DIP2C: variants seen among roughly 807,000 people sequenced by gnomAD.
The protein encoded by DIP2C is disco-interacting protein 2 homolog C.
A neutral mutation model predicts 192.4 loss-of-function variants in DIP2C; 33 were observed. That is an observed-to-expected ratio of 0.17 (90% CI 0.13 to 0.23). DIP2C has a LOEUF of 0.23. Among genes scored for constraint, DIP2C ranks in the 10% least tolerant of loss-of-function variants. The pLI, the probability that DIP2C is intolerant of heterozygous loss-of-function variation, is 1.00. For synonymous variants in DIP2C, 979 were observed against 864.1 expected (o/e 1.13, Z -2.33); for missense variants, 1,537 against 2,110.1 (o/e 0.73, Z 5.32).
chr10:292,282 C>A (rs1234026076), intron 32 of DIP2C, among the ~76,000 whole-genome samples: 1 of 152,238 alleles, frequency 6.6e-6, no homozygotes, highest in African/African-American at 2.4e-5. Flanking sequence ...TTAAACAGTG[C>A]ACCTACTTTC....
At chr10:516,020 A>C (rs1846326921) in intron 1 of DIP2C, among the ~76,000 whole-genome samples, 1 of 151,478 alleles carries the variant, frequency 6.6e-6, no homozygotes, top group Non-Finnish European at 1.5e-5. Flanking sequence ...TTCGGGGTGA[A>C]GGGGCTTCCC....
At chr10:393,275 C>G (rs1963643456) in intron 10 of DIP2C, among the ~76,000 whole-genome samples, 1 of 152,232 alleles carries the variant, frequency 6.6e-6, no homozygotes, top group Non-Finnish European at 1.5e-5. Context: ...TTAGGATTCA[C>G]ATACTTAACT....
chr10:387,904 ACAG>A (rs1963113294), intron 13 of DIP2C, 95 bp from the exon 14 acceptor site: 15 of 1,320,844 alleles, frequency 1.1e-5, no homozygotes, highest in Non-Finnish European at 1.5e-5. Context: ...AGGGGAAATA[ACAG>A]ATCTTGGGAA....
intron 1 of DIP2C, among the ~76,000 whole-genome samples, chr10:493,445 T>C (rs977355400): frequency 3.3e-5 from 5 of 151,996 alleles, no homozygotes; most frequent in African/African-American, 1.2e-4. Context: ...CATTTTTTGG[T>C]GTTGGGGGGA....
intron 1 of DIP2C, among the ~76,000 whole-genome samples, chr10:588,450 T>C (rs1461743854): frequency 6.6e-6 from 1 of 152,228 alleles, no homozygotes; most frequent in Non-Finnish European, 1.5e-5. Flanking sequence ...GGCTCCGCAC[T>C]GGGTGAGGTG....
chr10:436,446 G>C (rs549169793), intron 4 of DIP2C, among the ~76,000 whole-genome samples: 1 of 152,162 alleles, frequency 6.6e-6, no homozygotes, highest in Non-Finnish European at 1.5e-5. Flanking sequence ...TCCGATCTCC[G>C]CCTCCTGGAC....
At chr10:361,211 C>T (rs1171821222) in intron 22 of DIP2C, among the ~76,000 whole-genome samples, 1 of 152,148 alleles carries the variant, frequency 6.6e-6, no homozygotes, top group Non-Finnish European at 1.5e-5. Context: ...TCACATGAAG[C>T]TTCATTTAAT....
intron 32 of DIP2C, among the ~76,000 whole-genome samples, chr10:298,346 C>G (rs2132248769): frequency 6.6e-6 from 1 of 152,262 alleles, no homozygotes. Flanking sequence ...TGGAAAAGGG[C>G]TTTAGAGATG....
intron 29 of DIP2C, among the ~76,000 whole-genome samples, chr10:331,426 T>C (rs7081814): frequency 0.95 from 145,112 of 152,276 alleles, 69,464 homozygotes; most frequent in East Asian, 1. Flanking sequence ...AAAGGACACA[T>C]AGCCCTCTGT....
At chr10:413,346 G>A (rs183414793) in intron 8 of DIP2C, among the ~76,000 whole-genome samples, 124 of 152,304 alleles carry the variant, frequency 8.1e-4, no homozygotes, top group Non-Finnish European at 1.3e-3. Context: ...CTTGGAAACC[G>A]ATTTTGATTT....
At chr10:562,677 G>A (rs887556519) in intron 1 of DIP2C, among the ~76,000 whole-genome samples, 3 of 152,186 alleles carry the variant, frequency 2.0e-5, no homozygotes, top group African/African-American at 2.4e-5. Context: ...GGGTCTGCAT[G>A]GCCAGTTTTA....
chr10:448,694 AG>A (rs1968562258), intron 3 of DIP2C, among the ~76,000 whole-genome samples: 1 of 141,618 alleles, frequency 7.1e-6, no homozygotes, highest in Non-Finnish European at 1.5e-5. Context: ...GATCACACAC[AG>A]TGGGGCAGCA....
intron 3 of DIP2C, among the ~76,000 whole-genome samples, chr10:470,274 G>A (rs1051980676): frequency 1.3e-5 from 2 of 152,180 alleles, no homozygotes; most frequent in South Asian, 2.1e-4. Context: ...GTGTGAAGAG[G>A]CGCCATATTT....
intron 1 of DIP2C, among the ~76,000 whole-genome samples, chr10:548,917 A>G (rs1404222719): frequency 8.4e-6 from 1 of 118,934 alleles, no homozygotes; most frequent in African/African-American, 3.5e-5. Context: ...CTCACAAAAA[A>G]AAAAAAAAAA....
At chr10:512,921 G>GGA (rs1564807476) in intron 1 of DIP2C, among the ~76,000 whole-genome samples, 3 of 45,136 alleles carry the variant, frequency 6.6e-5, no homozygotes, top group African/African-American at 5.5e-4. Flanking sequence ...CCCCACTTCA[G>GGA]GAAAAAAAAA....
intron 1 of DIP2C, among the ~76,000 whole-genome samples, chr10:687,892 A>T (rs888656972): frequency 1.3e-5 from 2 of 152,184 alleles, no homozygotes; most frequent in African/African-American, 4.8e-5. Context: ...CAGGGGCGCT[A>T]CGCTCTGCTG....
chr10:535,643 T>C (rs1045676173), intron 1 of DIP2C, among the ~76,000 whole-genome samples: 3 of 152,180 alleles, frequency 2.0e-5, no homozygotes, highest in Admixed American at 6.5e-5. Context: ...AAGTTCTTTA[T>C]TTGTCCATTT....
intron 5 of DIP2C, among the ~76,000 whole-genome samples, chr10:421,768 A>G (rs1966200203): frequency 6.6e-6 from 1 of 152,164 alleles, no homozygotes; most frequent in Non-Finnish European, 1.5e-5. Context: ...CCTCACCAAA[A>G]GCCTAAAAGC....
At chr10:493,698 C>T (rs1478141144) in intron 1 of DIP2C, among the ~76,000 whole-genome samples, 1 of 152,200 alleles carries the variant, frequency 6.6e-6, no homozygotes, top group Non-Finnish European at 1.5e-5. Context: ...GGAACATGAG[C>T]ATGAGGACAG....
Sources: gnomAD v4.1 joint callset for allele counts (sites outside exome capture counted in the v4.1 genomes callset) on GRCh38, gnomAD v4.1.1 for gene constraint, MANE v1.5 for transcripts, NCBI Gene and HGNC (gene_info 2026-07-23, HGNC 2026-07-21) for gene names.